The following POLA1 variants were observed in gnomAD, a reference collection of about 807,000 sequenced individuals.
POLA1 encodes the protein DNA polymerase alpha 1, catalytic subunit.
Under a neutral mutation model 124.0 loss-of-function variants are expected in POLA1, and 15 were observed. The observed-to-expected ratio is 0.12, with a 90% CI of 0.08 to 0.19. The LOEUF is 0.19. Among genes scored for constraint, POLA1 ranks in the 10% least tolerant of loss-of-function variants. POLA1 has a pLI of 1.00. For missense variants in POLA1, 886 were observed against 1,103.4 expected (o/e 0.80, Z 2.79); for synonymous variants, 408 against 389.4 (o/e 1.05, Z -0.56).
chrX:24,812,746 A>G lies in POLA1; in HGVS notation c.3179A>G (p.Lys1060Arg). 1 of 1,199,889 alleles carries G rather than the reference A, an allele frequency of 8.3e-7. No homozygotes were observed. Among genetic ancestry groups the G allele is most frequent in the Non-Finnish European group, 1.1e-6 (1 of 884,690 alleles). ...FKSLLLLKKK[K>R]YAALVVEPTS... is the part of the protein sequence containing the mutation. Reference sequence around the variant, plus strand: ...TCTCTGCTACTGCTGAAAAAAAAGAAGTACGCTGCTCTGGTTGTTGAGCCA... The same window carrying G: ...TCTCTGCTACTGCTGAAAAAAAAGAGGTACGCTGCTCTGGTTGTTGAGCCA... Residue 1060 changes from lysine to arginine, a missense_variant, in exon 29 of 37, where the codon AAG becomes AGG. By Grantham distance (26) the Lys-to-Arg change is conservative. Around this residue, in one of 7 missense-constraint regions of POLA1, gnomAD observed 313 missense variants for 359.7 expected, o/e 0.87. Transcript: ENST00000379068.
At chrX:24,968,503 T>G (rs1483676418) in intron 36 of POLA1, among the ~76,000 whole-genome samples, 10 of 109,855 alleles carry the variant, frequency 9.1e-5, no homozygotes, top group Non-Finnish European at 1.7e-4. Flanking sequence ...ATTGAGACCA[T>G]CCTGGCTAAC....
intron 34 of POLA1, among the ~76,000 whole-genome samples, chrX:24,855,041 A>G (rs1456439645): frequency 9.0e-6 from 1 of 111,662 alleles, no homozygotes; most frequent in African/African-American, 3.3e-5. Context: ...ACGGGGGAGA[A>G]AAGGAGGAAA....
At chrX:24,963,317 G>A (rs771859152) in intron 36 of POLA1, among the ~76,000 whole-genome samples, 1 of 111,767 alleles carries the variant, frequency 8.9e-6, no homozygotes, top group Non-Finnish European at 1.9e-5. Context: ...GAGCCATCTT[G>A]CCCCAACTCT....
chrX:24,918,199 A>G (rs2047562174), intron 35 of POLA1, among the ~76,000 whole-genome samples: 1 of 106,043 alleles, frequency 9.4e-6, no homozygotes, highest in African/African-American at 3.5e-5. Flanking sequence ...CACCCCACCC[A>G]TCACCACCAA....
intron 34 of POLA1, among the ~76,000 whole-genome samples, chrX:24,872,055 G>A (rs1039031459): frequency 1.8e-5 from 2 of 111,329 alleles, no homozygotes; most frequent in Non-Finnish European, 1.9e-5. Context: ...GAGGCAGCCC[G>A]GTGGAAATGT....
intron 26 of POLA1, among the ~76,000 whole-genome samples, chrX:24,751,718 G>A (rs1386167346): frequency 1.8e-5 from 2 of 112,160 alleles, no homozygotes. Flanking sequence ...ATAATTGTTA[G>A]CACTGGTGGA....
At chrX:24,718,962 C>T (rs1930025236) in intron 10 of POLA1, among the ~76,000 whole-genome samples, 1 of 112,096 alleles carries the variant, frequency 8.9e-6, no homozygotes, top group Non-Finnish European at 1.9e-5. Context: ...TCTTGACTCA[C>T]AAAAAGCCCG....
chrX:24,739,321 A>T (rs904121397), intron 19 of POLA1, 54 bp from the exon 20 acceptor site: 3 of 876,582 alleles, frequency 3.4e-6, no homozygotes, highest in Non-Finnish European at 1.6e-6. Context: ...TTAGAAAGAA[A>T]TGTTCTCAGT....
intron 34 of POLA1, among the ~76,000 whole-genome samples, chrX:24,886,732 CA>C (rs2047069602): frequency 8.9e-6 from 1 of 111,991 alleles, no homozygotes; most frequent in African/African-American, 3.2e-5. Context: ...GGGAAAAGAC[CA>C]ACAAGTTGTT....
chrX:24,699,570 T>G (rs1204026146), intron 2 of POLA1, 21 bp downstream of exon 2: 1 of 1,119,579 alleles, frequency 8.9e-7, no homozygotes, highest in Admixed American at 2.7e-5. Flanking sequence ...ATTTTTCTTC[T>G]TTATTCTTCC....
chrX:24,975,647 G>A (rs1417974885), intron 36 of POLA1, among the ~76,000 whole-genome samples: 4 of 112,156 alleles, frequency 3.6e-5, no homozygotes, highest in African/African-American at 1.3e-4. Context: ...GAAAAAGCCA[G>A]TAATGTCTTC....
chrX:24,801,430 A>G (rs939217043), intron 26 of POLA1, among the ~76,000 whole-genome samples: 1 of 111,764 alleles, frequency 8.9e-6, no homozygotes, highest in Admixed American at 9.5e-5. Context: ...ACTTTGTGCC[A>G]GGCATTTCGT....
intron 36 of POLA1, among the ~76,000 whole-genome samples, chrX:24,959,826 G>A (rs1317395608): frequency 9.0e-6 from 1 of 111,640 alleles, no homozygotes; most frequent in East Asian, 2.8e-4. Flanking sequence ...TTTTAAAAAT[G>A]TGGCTACTAG....
intron 34 of POLA1, among the ~76,000 whole-genome samples, chrX:24,846,678 A>G (rs2046481790): frequency 8.9e-6 from 1 of 112,017 alleles, no homozygotes; most frequent in Non-Finnish European, 1.9e-5. Context: ...AAGGGAGAGA[A>G]ACACTAGCTA....
At chrX:24,716,761 T>G in intron 7 of POLA1, 123 bp from the exon 8 acceptor site, 1 of 443,967 alleles carries the variant, frequency 2.3e-6, no homozygotes, top group East Asian at 3.9e-5. Flanking sequence ...TTGAAGCTGT[T>G]ACATTAATAA....
intron 26 of POLA1, among the ~76,000 whole-genome samples, chrX:24,781,741 C>T (rs956470980): frequency 9.0e-6 from 1 of 111,245 alleles, no homozygotes; most frequent in African/African-American, 3.3e-5. Context: ...GAGAAGATGA[C>T]CTTTTAGGCC....
intron 34 of POLA1, among the ~76,000 whole-genome samples, chrX:24,882,230 G>A (rs1340813159): frequency 8.9e-6 from 1 of 111,825 alleles, no homozygotes; most frequent in Non-Finnish European, 1.9e-5. Flanking sequence ...AAACTACTAT[G>A]CATTGTTATT....
intron 32 of POLA1, among the ~76,000 whole-genome samples, chrX:24,832,707 A>T (rs899120720): frequency 5.3e-5 from 6 of 112,272 alleles, no homozygotes; most frequent in Non-Finnish European, 1.1e-4. Context: ...GGATAAAAAA[A>T]GCTGAATACT....
chrX:24,994,017 C>T (rs758745781), intron 36 of POLA1, among the ~76,000 whole-genome samples: 2 of 112,083 alleles, frequency 1.8e-5, no homozygotes, highest in South Asian at 7.6e-4. Flanking sequence ...CTCTCTTTTC[C>T]TCCCCTGCTC....
Sources: allele counts gnomAD v4.1 joint callset (sites outside exome capture counted in the v4.1 genomes callset), GRCh38; gene constraint gnomAD v4.1.1; regional missense constraint gnomAD v4.1.1; transcripts MANE v1.5; gene names NCBI Gene and HGNC (gene_info 2026-07-23, HGNC 2026-07-21).